ZDHHC15: variants seen among roughly 807,000 people sequenced by gnomAD.
ZDHHC15 encodes the protein palmitoyltransferase ZDHHC15.
ZDHHC15 carries 19 observed loss-of-function variants against 31.7 expected under a neutral mutation model. The observed-to-expected ratio is 0.60, with a 90% CI of 0.42 to 0.88. ZDHHC15 has a LOEUF of 0.88. Ranked by LOEUF, ZDHHC15 falls within the 40% of genes least tolerant of loss-of-function variation. The pLI, the probability that ZDHHC15 is intolerant of heterozygous loss-of-function variation, is 0.00. For synonymous variants in ZDHHC15, 103 were observed against 90.0 expected (o/e 1.14, Z -0.82); for missense variants, 209 against 251.2 (o/e 0.83, Z 1.14).
intron 6 of ZDHHC15, 41 bp from the exon 7 acceptor site, chrX:75,429,239 G>C (rs1187000670): frequency 8.5e-7 from 1 of 1,177,580 alleles, no homozygotes; most frequent in Admixed American, 2.5e-5. Context: ...AGGACCTCTT[G>C]ATTGAGAGCA....
At position 75,387,170 on chromosome X, in the gene ZDHHC15, A is replaced by G. The variant is rs925698260; in HGVS notation, c.968-7972T>C. The stretch of plus-strand genomic sequence containing the variant: ...AACTGAAATCCAACAGGCAAATTAC[A>G]AATAATCTCTAAGCAAACATAATGA... On this transcript the variant is annotated intron_variant, in intron 10 of 11. Coordinates refer to ENST00000373367, the MANE Select transcript of ZDHHC15 (RefSeq NM_144969.3). Among the ~76,000 whole-genome samples the G allele has an allele frequency of 2.7e-5, 3 of 112,153 alleles. 1 individual carries two copies. The highest frequency in any genetic ancestry group is 5.6e-5 in the Non-Finnish European group (3 of 53,279).
intron 3 of ZDHHC15, among the ~76,000 whole-genome samples, chrX:75,460,838 T>C (rs917806217): frequency 3.0e-4 from 34 of 111,753 alleles, no homozygotes; most frequent in African/African-American, 1.1e-3. Flanking sequence ...TGAGAAATAA[T>C]CAACACAAAA....
intron 2 of ZDHHC15, among the ~76,000 whole-genome samples, chrX:75,489,000 G>T (rs1281717349): frequency 8.9e-6 from 1 of 111,783 alleles, no homozygotes; most frequent in Admixed American, 9.5e-5. Flanking sequence ...CTCCTTCATT[G>T]CTAGCACAGC....
intron 4 of ZDHHC15, among the ~76,000 whole-genome samples, chrX:75,440,778 CA>C (rs2083929741): frequency 8.9e-6 from 1 of 111,877 alleles, no homozygotes; most frequent in Non-Finnish European, 1.9e-5. Context: ...GCTACCAGGG[CA>C]TGTAGAGAAA....
intron 1 of ZDHHC15, among the ~76,000 whole-genome samples, chrX:75,518,035 C>G (rs1035750385): frequency 1.2e-4 from 13 of 110,290 alleles, no homozygotes; most frequent in Non-Finnish European, 2.3e-4. Context: ...ACCAACCAAC[C>G]AAACAAAAAA....
At chrX:75,488,660 C>T (rs1029258685) in intron 2 of ZDHHC15, among the ~76,000 whole-genome samples, 5 of 112,182 alleles carry the variant, frequency 4.5e-5, no homozygotes, top group Admixed American at 1.9e-4. Context: ...TCTACAGCTC[C>T]CAGCATGAGT....
intron 3 of ZDHHC15, among the ~76,000 whole-genome samples, chrX:75,477,184 C>A (rs1185423320): frequency 2.7e-5 from 3 of 111,413 alleles, no homozygotes; most frequent in African/African-American, 6.5e-5. Flanking sequence ...CTGTAGATTT[C>A]TTTGTGTTAT....
intron 3 of ZDHHC15, among the ~76,000 whole-genome samples, chrX:75,471,553 C>T (rs1309075673): frequency 8.9e-6 from 1 of 112,269 alleles, no homozygotes; most frequent in African/African-American, 3.2e-5. Context: ...CTGCATTTGG[C>T]CCCTCCTACA....
Position 75,500,861 on chromosome X carries a change from G to A in ZDHHC15, c.163+4960C>T, listed in dbSNP as rs1055680446. Among the ~76,000 whole-genome samples the A allele has an allele frequency of 2.2e-4, 24 of 110,005 alleles. 1 individual carries two copies. The highest frequency in any genetic ancestry group is 7.8e-4 in the South Asian group (2 of 2,574). On this transcript the variant is annotated intron_variant, in intron 2 of 11. Transcript: ENST00000373367. ...TAAAAGATCATACTGTAGCCCAGAC[G>A]TTTTACTCTCAGTGCCCTCTCACCT...
At chrX:75,497,384 C>A (rs1279010247) in intron 2 of ZDHHC15, among the ~76,000 whole-genome samples, 1 of 111,810 alleles carries the variant, frequency 8.9e-6, no homozygotes, top group African/African-American at 3.2e-5. Flanking sequence ...GATAAATTCA[C>A]AGCTGAATTC....
intron 3 of ZDHHC15, among the ~76,000 whole-genome samples, chrX:75,455,697 G>A (rs1423741256): frequency 8.9e-6 from 1 of 111,861 alleles, no homozygotes; most frequent in Non-Finnish European, 1.9e-5. Context: ...TAAAAAAGTG[G>A]GCAAAGGATA....
intron 4 of ZDHHC15, among the ~76,000 whole-genome samples, chrX:75,442,303 G>T (rs768628462): frequency 1.4e-4 from 16 of 111,456 alleles, no homozygotes; most frequent in African/African-American, 3.9e-4. Flanking sequence ...TTCTGGCCAG[G>T]GTAATCAGGC....
intron 4 of ZDHHC15, among the ~76,000 whole-genome samples, chrX:75,445,491 A>C (rs2084021339): frequency 8.9e-6 from 1 of 112,248 alleles, no homozygotes; most frequent in Non-Finnish European, 1.9e-5. Context: ...GTAGCTTCTA[A>C]CATGACTGAA....
At chrX:75,391,484 T>C (rs759514251) in intron 10 of ZDHHC15, among the ~76,000 whole-genome samples, 1 of 111,622 alleles carries the variant, frequency 9.0e-6, no homozygotes, top group East Asian at 2.8e-4. Context: ...AGAAACAACA[T>C]ACAATGGCAC....
chrX:75,474,854 G>A (rs1450799159), intron 3 of ZDHHC15, among the ~76,000 whole-genome samples: 1 of 109,873 alleles, frequency 9.1e-6, no homozygotes, highest in Admixed American at 9.8e-5. Flanking sequence ...TCAGGAGATC[G>A]AGACCATCCT....
chrX:75,438,947 G>A (rs2083900816), intron 4 of ZDHHC15, among the ~76,000 whole-genome samples: 1 of 111,484 alleles, frequency 9.0e-6, no homozygotes, highest in Non-Finnish European at 1.9e-5. Context: ...ATTCTTGGCT[G>A]GTAATTATTT....
chrX:75,421,830 G>A (rs1162037752), intron 9 of ZDHHC15, 34 bp downstream of exon 9: 1 of 1,203,190 alleles, frequency 8.3e-7, no homozygotes, highest in Non-Finnish European at 1.1e-6. Context: ...GCAGGGTCCA[G>A]TACTAACTTC....
At chrX:75,482,254 T>G (rs1368799784) in intron 2 of ZDHHC15, among the ~76,000 whole-genome samples, 3 of 111,369 alleles carry the variant, frequency 2.7e-5, no homozygotes, top group Non-Finnish European at 3.8e-5. Flanking sequence ...AACCTGCACA[T>G]GTACCCCCTG....
chrX:75,429,495 G>C (rs2083752848), intron 6 of ZDHHC15, among the ~76,000 whole-genome samples: 1 of 111,792 alleles, frequency 8.9e-6, no homozygotes, highest in South Asian at 3.7e-4. Context: ...ATGTATTACA[G>C]TTTTAGCAGC....
Sources: allele counts gnomAD v4.1 joint callset (sites outside exome capture counted in the v4.1 genomes callset), GRCh38; gene constraint gnomAD v4.1.1; transcripts MANE v1.5; gene names NCBI Gene and HGNC (gene_info 2026-07-23, HGNC 2026-07-21).